FOXP2: variants seen among roughly 807,000 people sequenced by gnomAD.
The protein encoded by FOXP2 is forkhead box P2.
FOXP2 carries 12 observed loss-of-function variants against 115.8 expected under a neutral mutation model. The observed-to-expected ratio is 0.10, with a 90% CI of 0.07 to 0.17. The LOEUF is 0.17. Ranked by LOEUF, FOXP2 falls within the 10% of genes least tolerant of loss-of-function variation. The probability of loss-of-function intolerance (pLI) is 1.00; values close to 1 mark genes in which losing one functional copy is unlikely to be tolerated. For missense variants in FOXP2, 629 were observed against 843.5 expected (o/e 0.75, Z 3.15); for synonymous variants, 328 against 297.7 (o/e 1.10, Z -1.05).
At chr7:114,324,682 A>G (rs1199792957) in intron 2 of FOXP2, among the ~76,000 whole-genome samples, 1 of 151,832 alleles carries the variant, frequency 6.6e-6, no homozygotes, top group East Asian at 1.9e-4. Context: ...CAATCTCACT[A>G]CAGAAATGGT....
rs775767541 is a variant in FOXP2, at chr7:114,128,422, C to CTT, written c.-246-34509_-246-34508dup. 9.6e-5 allele frequency among the ~76,000 whole-genome samples: 13 copies of CTT among 135,718 alleles called. No homozygotes were observed. The South Asian group carries it at 1.2e-3, about 13-fold the overall frequency. 89.0% of individuals were successfully genotyped at this position (135,718 alleles called of 152,430 possible). A position where few individuals can be genotyped will look rare whatever the true frequency, so the allele number is the denominator to read the frequency against. ...TACTGAATAGTCCCTTTTTAAATTT[C>CTT]TTTTTTTTTTTTTTGCCAAAAATGA... On this transcript the variant is annotated intron_variant, in intron 1 of 19. Transcript: ENST00000635638.
intron 16 of FOXP2, among the ~76,000 whole-genome samples, chr7:114,684,104 C>T (rs1808234449): frequency 6.6e-6 from 1 of 152,106 alleles, no homozygotes; most frequent in South Asian, 2.1e-4. Context: ...GCATTCCTCC[C>T]ACCTCAGCCT....
intron 2 of FOXP2, among the ~76,000 whole-genome samples, chr7:114,391,250 C>T (rs1276458415): frequency 6.6e-6 from 1 of 152,114 alleles, no homozygotes; most frequent in Non-Finnish European, 1.5e-5. Flanking sequence ...ACTAAGCCCA[C>T]ATTTCCATTT....
chr7:114,171,783 C>A (rs570874503), intron 1 of FOXP2, among the ~76,000 whole-genome samples: 4 of 152,238 alleles, frequency 2.6e-5, no homozygotes, highest in African/African-American at 9.6e-5. Context: ...TGGAACTGGG[C>A]AAAGTCAATT....
intron 1 of FOXP2, among the ~76,000 whole-genome samples, chr7:114,421,615 A>G (rs1378082257): frequency 6.6e-6 from 1 of 151,708 alleles, no homozygotes; most frequent in African/African-American, 2.4e-5. Context: ...ACTTAAAATT[A>G]TGTCACTTGG....
chr7:114,271,943 T>C (rs1323183964), intron 1 of FOXP2, among the ~76,000 whole-genome samples: 1 of 131,812 alleles, frequency 7.6e-6, no homozygotes, highest in Non-Finnish European at 1.6e-5. Flanking sequence ...TATTAATATA[T>C]TGTATTTATT....
intron 3 of FOXP2, among the ~76,000 whole-genome samples, chr7:114,605,950 G>A (rs1051893539): frequency 1.3e-5 from 2 of 152,192 alleles, no homozygotes. Context: ...GGAGATGCAA[G>A]ACATTAGAAG....
At chr7:114,094,453 C>G (rs934474245) in intron 1 of FOXP2, among the ~76,000 whole-genome samples, 1 of 152,114 alleles carries the variant, frequency 6.6e-6, no homozygotes, top group African/African-American at 2.4e-5. Context: ...GAAAAGGAGG[C>G]TATAATATTT....
rs1807052121 is a variant in FOXP2 at position 114,664,409 on chromosome 7, G to T, written c.1976G>T (p.Ser659Ile). 1.9e-6 allele frequency: 3 copies of T among 1,613,414 alleles called. No homozygotes were observed. In the South Asian group the frequency reaches 3.3e-5, roughly 18 times the overall value. The change falls in exon 16 of 17, where the codon AGT (serine) becomes ATT (isoleucine). Residue 659 changes from serine to isoleucine, a missense_variant. By Grantham distance (142) the Ser-to-Ile change is moderately radical. Transcript: ENST00000350908. ...CACATTGACAGCAATGGAAACAGTA[G>T]TCCGGGCTGCTCACCTCAGCCGCAC... ...LDHIDSNGNS[S>I]PGCSPQPHIH...
At position 114,692,812 on chromosome 7, in the gene FOXP2, A is replaced by G. The variant is rs956681603; in HGVS notation, c.*2886A>G. ...CAAACATCTGTTTATGTATTGGTGG[A>G]ATATACCTGTTTTATTTATCTTTTT... On this transcript the variant is annotated 3_prime_UTR_variant, in exon 17 of 17. Transcript: ENST00000350908. 2.2e-6 allele frequency: 1 copy of G among 449,460 alleles called. No individual in the cohort carries two copies. Among genetic ancestry groups the G allele is most frequent in the Non-Finnish European group, 4.5e-6 (1 of 224,336 alleles). The allele number at this position is 449,460 out of a possible 1,614,324, so 27.8% of individuals were successfully genotyped here.
At position 114,497,238 on chromosome 7, in the gene FOXP2, A is replaced by G. The variant is rs941441323; in HGVS notation, c.169-37379A>G. Among the ~76,000 whole-genome samples, 6 of 152,338 alleles carry G rather than the reference A, an allele frequency of 3.9e-5. No homozygotes were observed. In the East Asian group the frequency reaches 9.6e-4, roughly 24 times the overall value. On this transcript the variant is annotated intron_variant, in intron 2 of 16. Transcript: ENST00000350908. ...TGCTAAATTAATTGTGTGCCCAATA[A>G]CAGCTTTCATCTTTCCTATTGTGTT...
intron 7 of FOXP2, among the ~76,000 whole-genome samples, chr7:114,644,278 T>C (rs1805747638): frequency 6.6e-6 from 1 of 152,220 alleles, no homozygotes; most frequent in Non-Finnish European, 1.5e-5. Context: ...TAGAGGTCCA[T>C]ATCTTCTTTA....
intron 3 of FOXP2, among the ~76,000 whole-genome samples, chr7:114,609,204 C>T (rs1803498248): frequency 6.7e-6 from 1 of 148,252 alleles, no homozygotes; most frequent in South Asian, 2.1e-4. Context: ...CAGAGTGGGA[C>T]TCTGTCTCAA....
intron 2 of FOXP2, among the ~76,000 whole-genome samples, chr7:114,311,051 A>G (rs1797136603): frequency 6.6e-6 from 1 of 152,070 alleles, no homozygotes; most frequent in Admixed American, 6.5e-5. Context: ...GAGATCTTAT[A>G]GGGAAGTTGC....
At chr7:114,266,670 A>G (rs948542574) in intron 1 of FOXP2, among the ~76,000 whole-genome samples, 4 of 152,168 alleles carry the variant, frequency 2.6e-5, no homozygotes, top group African/African-American at 9.7e-5. Flanking sequence ...GTTACAATTC[A>G]ACATGAAATT....
At chr7:114,327,811 G>A (rs1451360196) in intron 2 of FOXP2, among the ~76,000 whole-genome samples, 1 of 148,706 alleles carries the variant, frequency 6.7e-6, no homozygotes, top group Non-Finnish European at 1.5e-5. Flanking sequence ...CTTTTGTTTT[G>A]TTTTGTTTTG....
intron 13 of FOXP2, 81 bp downstream of exon 13, chr7:114,659,754 A>G: frequency 1.8e-6 from 2 of 1,111,062 alleles, no homozygotes; most frequent in Admixed American, 1.7e-5. Flanking sequence ...TACATGACAT[A>G]AGCAGATTAG....
intron 2 of FOXP2, among the ~76,000 whole-genome samples, chr7:114,302,221 G>T (rs1258953539): frequency 6.6e-6 from 1 of 152,086 alleles, no homozygotes; most frequent in Non-Finnish European, 1.5e-5. Flanking sequence ...AACAGTGGTT[G>T]GTAGAGCATG....
At chr7:114,221,038 T>C (rs1288095398) in intron 1 of FOXP2, among the ~76,000 whole-genome samples, 4 of 152,172 alleles carry the variant, frequency 2.6e-5, no homozygotes, top group African/African-American at 7.2e-5. Flanking sequence ...GTCTGGTGAT[T>C]TTTATACACC....
Sources: gnomAD v4.1 joint callset for allele counts (sites outside exome capture counted in the v4.1 genomes callset) on GRCh38, gnomAD v4.1.1 for gene constraint, MANE v1.5 for transcripts, NCBI Gene and HGNC (gene_info 2026-07-23, HGNC 2026-07-21) for gene names.